Variants in VPS13C observed in about 807,000 individuals in gnomAD.
VPS13C encodes the protein vacuolar protein sorting 13 homolog C.
Under a neutral mutation model 456.8 loss-of-function variants are expected in VPS13C, and 358 were observed. That is an observed-to-expected ratio of 0.78 (90% CI 0.72 to 0.86). VPS13C has a LOEUF of 0.86. Ranked by LOEUF, VPS13C falls within the 40% of genes least tolerant of loss-of-function variation. The pLI is 0.00. For missense variants in VPS13C, 4,818 were observed against 4,385.4 expected (o/e 1.10, Z -2.79); for synonymous variants, 1,578 against 1,486.7 (o/e 1.06, Z -1.41).
chr15:61,874,831 A>G (rs1895294927), intron 77 of VPS13C, 45 bp downstream of exon 77: 6 of 1,477,924 alleles, frequency 4.1e-6, no homozygotes, highest in Non-Finnish European at 5.5e-6. Flanking sequence ...TTTCATAACA[A>G]TATAATAAAA....
At chr15:61,857,369 A>C (rs960832217) in intron 82 of VPS13C, among the ~76,000 whole-genome samples, 1 of 152,140 alleles carries the variant, frequency 6.6e-6, no homozygotes, top group South Asian at 2.1e-4. Context: ...GAAAGGAAGG[A>C]GTTCTCTATG....
intron 8 of VPS13C, among the ~76,000 whole-genome samples, chr15:62,022,427 A>G (rs952462650): frequency 2.0e-5 from 3 of 151,884 alleles, no homozygotes; most frequent in African/African-American, 7.2e-5. Flanking sequence ...TAGGATTTTA[A>G]TGATAATTCT....
rs35201581 is a variant in VPS13C, at chr15:61,909,134, GA to G, written c.8845-10del. ...ACCAAGATACCCCCATTCTATTGTA[GA>G]AAAAAAAAAAGTATGTTTGATGTAC... On this transcript the variant is annotated splice_polypyrimidine_tract_variant and intron_variant, in intron 64 of 84. Coordinates refer to ENST00000644861, the MANE Select transcript of VPS13C (RefSeq NM_020821.3). 0.44 allele frequency: 627,608 copies of G among 1,425,422 alleles called. 116,726 individuals carry two copies. Among genetic ancestry groups the G allele is most frequent in the Admixed American group, 0.49 (25,688 of 52,700 alleles). 88.3% of individuals were successfully genotyped at this position (1,425,422 alleles called of 1,614,324 possible). A position where few individuals can be genotyped will look rare whatever the true frequency, so the allele number is the denominator to read the frequency against.
chr15:61,931,056 T>C, intron 50 of VPS13C, 34 bp downstream of exon 50: 1 of 1,612,382 alleles, frequency 6.2e-7, no homozygotes, highest in Non-Finnish European at 8.5e-7. Flanking sequence ...ATGTCAACCT[T>C]AAATAATGTA....
chr15:61,983,675 T>C, intron 20 of VPS13C, 145 bp downstream of exon 20: 1 of 888,674 alleles, frequency 1.1e-6, no homozygotes, highest in Non-Finnish European at 1.7e-6. Flanking sequence ...GCTGAACATA[T>C]ACTGCTTTTG....
intron 53 of VPS13C, among the ~76,000 whole-genome samples, chr15:61,925,241 T>C (rs2043809184): frequency 6.6e-6 from 1 of 151,886 alleles, no homozygotes. Context: ...TGATCATTTG[T>C]AGATATTAAA....
intron 66 of VPS13C, among the ~76,000 whole-genome samples, chr15:61,905,530 G>C (rs2043130730): frequency 6.6e-6 from 1 of 152,120 alleles, no homozygotes; most frequent in African/African-American, 2.4e-5. Context: ...TTTGAAGTCA[G>C]ACAGATCTGA....
rs749309615 is a variant in VPS13C, at chr15:61,982,555, C to T, written c.1933G>A (p.Val645Ile). ...IYDAKTVNAV[V>I]EFFQSNKGLD... ...CCCTTATTTGATTGAAAGAATTCAA[C>T]CACTGCATTGACAGTTTTCTATAAG... The change falls in exon 21 of 85, where the codon GTT becomes ATT. Residue 645 changes from valine (V) to isoleucine (I), a missense_variant. Transcript: ENST00000644861. 6.2e-6 allele frequency: 10 copies of T among 1,607,358 alleles called. No individual in the cohort carries two copies. The highest frequency in any genetic ancestry group is 3.4e-5 in the Admixed American group (2 of 59,338).
At chr15:61,882,259 A>G (rs774137385) in intron 69 of VPS13C, among the ~76,000 whole-genome samples, 2 of 152,146 alleles carry the variant, frequency 1.3e-5, no homozygotes, top group African/African-American at 2.4e-5. Context: ...CAAGCATCCA[A>G]AAGGAACCTC....
chr15:61,983,685 G>A (rs923988929), intron 20 of VPS13C, 135 bp downstream of exon 20: 2 of 1,022,622 alleles, frequency 2.0e-6, no homozygotes, highest in Non-Finnish European at 2.8e-6. Flanking sequence ...TACTGCTTTT[G>A]AAACAAGAAA....
At chr15:62,025,751 C>T (rs956659038) in intron 6 of VPS13C, among the ~76,000 whole-genome samples, 1 of 152,032 alleles carries the variant, frequency 6.6e-6, no homozygotes, top group Non-Finnish European at 1.5e-5. Flanking sequence ...GATTCTCAAT[C>T]ACAAACTAAA....
chr15:61,868,638 A>C, intron 81 of VPS13C, 21 bp downstream of exon 81: 1 of 1,603,676 alleles, frequency 6.2e-7, no homozygotes, highest in Non-Finnish European at 8.5e-7. Context: ...TTCACTCGTG[A>C]CCATGAAGAA....
intron 5 of VPS13C, among the ~76,000 whole-genome samples, chr15:62,032,968 C>T (rs1567131670): frequency 6.6e-6 from 1 of 151,482 alleles, no homozygotes; most frequent in Non-Finnish European, 1.5e-5. Flanking sequence ...CCTGAAGAAT[C>T]AAGTTTTTGG....
At chr15:61,913,446 G>A in intron 61 of VPS13C, 31 bp from the exon 62 acceptor site, 2 of 1,565,204 alleles carry the variant, frequency 1.3e-6, no homozygotes, top group Non-Finnish European at 8.8e-7. Flanking sequence ...CGTCATATAA[G>A]AAATCTAAAA....
chr15:62,030,839 A>C (rs2047790787), intron 5 of VPS13C, among the ~76,000 whole-genome samples: 1 of 152,086 alleles, frequency 6.6e-6, no homozygotes, highest in South Asian at 2.1e-4. Flanking sequence ...TACTAACTCA[A>C]AGGAGTTGGT....
intron 24 of VPS13C, among the ~76,000 whole-genome samples, chr15:61,974,954 T>C (rs1415360169): frequency 2.0e-5 from 3 of 152,164 alleles, no homozygotes; most frequent in Admixed American, 6.6e-5. Context: ...GCTTCTATTC[T>C]GTTTCCCTAC....
chr15:61,936,018 A>C (rs909946024), intron 48 of VPS13C, among the ~76,000 whole-genome samples: 4 of 152,224 alleles, frequency 2.6e-5, no homozygotes, highest in African/African-American at 9.6e-5. Context: ...ATGAAAAAAG[A>C]GTGAAATTAT....
intron 2 of VPS13C, among the ~76,000 whole-genome samples, chr15:62,041,788 C>T (rs957449234): frequency 6.6e-6 from 1 of 151,854 alleles, no homozygotes; most frequent in Non-Finnish European, 1.5e-5. Context: ...CCACTGCACT[C>T]CAGCCTGGGT....
At chr15:61,879,182 C>A (rs1895678001) in intron 73 of VPS13C, among the ~76,000 whole-genome samples, 1 of 152,086 alleles carries the variant, frequency 6.6e-6, no homozygotes, top group Non-Finnish European at 1.5e-5. Context: ...TCAGCTTCCA[C>A]AGATCCTCCA....
Sources: gnomAD v4.1 joint callset for allele counts (sites outside exome capture counted in the v4.1 genomes callset) on GRCh38, gnomAD v4.1.1 for gene constraint, MANE v1.5 for transcripts, NCBI Gene and HGNC (gene_info 2026-07-23, HGNC 2026-07-21) for gene names.